The following FOCAD variants were observed in gnomAD, a reference collection of about 807,000 sequenced individuals.
FOCAD encodes focadhesin.
A neutral mutation model predicts 225.6 loss-of-function variants in FOCAD; 198 were observed. The observed-to-expected ratio is 0.88, with a 90% CI of 0.78 to 0.99. The LOEUF is 0.99. FOCAD is among the 50% of genes least tolerant of loss of function. The probability of loss-of-function intolerance (pLI) is 0.00; values close to 1 mark genes in which losing one functional copy is unlikely to be tolerated. For synonymous variants in FOCAD, 897 were observed against 755.0 expected, an observed-to-expected ratio of 1.19 and a Z score of -3.08; for missense variants, 2,713 against 2,123.6, an observed-to-expected ratio of 1.28 and a Z score of -5.46.
chr9:20,708,902 A>G (rs948541262), intron 1 of FOCAD, among the ~76,000 whole-genome samples: 1 of 152,062 alleles, frequency 6.6e-6, no homozygotes, highest in Admixed American at 6.6e-5. Context: ...CTTCGTCATC[A>G]TTGGACCCTC....
intron 30 of FOCAD, among the ~76,000 whole-genome samples, chr9:20,947,994 TA>T (rs1299843907): frequency 1.3e-5 from 2 of 152,140 alleles, no homozygotes; most frequent in African/African-American, 4.8e-5. Flanking sequence ...TTGTTTGAGC[TA>T]AGCTGCTCAA....
chr9:20,872,711 T>C (rs1024244910), intron 18 of FOCAD: 3 of 152,020 alleles, frequency 2.0e-5, no homozygotes, highest in Non-Finnish European at 4.4e-5. Context: ...AATTTAGTGG[T>C]TTTAGTATAT....
intron 15 of FOCAD, among the ~76,000 whole-genome samples, chr9:20,831,616 G>T (rs1458436210): frequency 6.6e-6 from 1 of 152,026 alleles, no homozygotes; most frequent in Non-Finnish European, 1.5e-5. Flanking sequence ...AGCATCCTCA[G>T]GTTGCAGAGA....
At chr9:20,868,983 A>G (rs548270834) in intron 18 of FOCAD, among the ~76,000 whole-genome samples, 29 of 152,302 alleles carry the variant, frequency 1.9e-4, no homozygotes, top group African/African-American at 7.0e-4. Flanking sequence ...AAAAGTCCAG[A>G]AAGTGTTCAA....
At chr9:20,859,763 G>A (rs988901357) in intron 15 of FOCAD, among the ~76,000 whole-genome samples, 2 of 148,606 alleles carry the variant, frequency 1.3e-5, no homozygotes, top group African/African-American at 4.9e-5. Flanking sequence ...CTACAACATC[G>A]ATGAACCTTG....
upstream of FOCAD, among the ~76,000 whole-genome samples, chr9:20,679,376 C>G (rs980887930): frequency 6.6e-6 from 1 of 152,122 alleles, no homozygotes; most frequent in African/African-American, 2.4e-5. Flanking sequence ...AGTCTTCGTG[C>G]CTGATGATGA....
rs17832431 is a variant in FOCAD at position 20,820,330 on chromosome 9, A to G, written c.1567A>G (p.Ile523Val). ...LPKLGVHKVC[I>V]GQILRIIQLL... ...TTTCTTCAATATTTTCTAGGTGTGT[A>G]TAGGACAAATTCTACGAATAATACA... The change falls in exon 13 of 44, where the codon ATA becomes GTA. Residue 523 changes from isoleucine to valine, a missense_variant. Ile to Val is a conservative substitution (Grantham distance 29, BLOSUM62 3). Transcript: ENST00000338382. 2.6e-3 allele frequency: 4,182 copies of G among 1,611,462 alleles called. 114 individuals carry two copies. The East Asian group carries it at 0.056, about 22-fold the overall frequency.
intron 11 of FOCAD, among the ~76,000 whole-genome samples, chr9:20,796,312 A>T (rs200045478): frequency 7.6e-4 from 115 of 152,188 alleles, no homozygotes; most frequent in Non-Finnish European, 1.4e-3. Context: ...TGATTTATAA[A>T]CCTTCGGGTA....
At chr9:20,831,719 A>G (rs1317940610) in intron 15 of FOCAD, among the ~76,000 whole-genome samples, 4 of 152,038 alleles carry the variant, frequency 2.6e-5, no homozygotes, top group Non-Finnish European at 4.4e-5. Flanking sequence ...TATAATTCAT[A>G]AATATACAAT....
At chr9:20,702,257 C>T (rs1338733213) in intron 1 of FOCAD, among the ~76,000 whole-genome samples, 5 of 152,054 alleles carry the variant, frequency 3.3e-5, no homozygotes, top group African/African-American at 7.2e-5. Flanking sequence ...CATGTACCAC[C>T]ATGCCCAGCT....
At chr9:20,858,917 C>T (rs1206520217) in intron 15 of FOCAD, among the ~76,000 whole-genome samples, 1 of 152,090 alleles carries the variant, frequency 6.6e-6, no homozygotes, top group African/African-American at 2.4e-5. Flanking sequence ...TTACTGATTT[C>T]TAGTTTTATT....
chr9:20,717,717 A>T, intron 2 of FOCAD, 77 bp from the exon 3 acceptor site: 1 of 1,114,798 alleles, frequency 9.0e-7, no homozygotes, highest in Non-Finnish European at 1.3e-6. Flanking sequence ...ACTGCCTGGC[A>T]TACTCATATC....
intron 33 of FOCAD, among the ~76,000 whole-genome samples, chr9:20,950,562 T>A (rs1268574949): frequency 2.6e-5 from 4 of 152,192 alleles, no homozygotes; most frequent in Non-Finnish European, 4.4e-5. Flanking sequence ...TTAAAAATCC[T>A]TATGAATGAT....
intron 5 of FOCAD, among the ~76,000 whole-genome samples, chr9:20,743,587 C>T (rs978047333): frequency 9.9e-5 from 15 of 152,112 alleles, no homozygotes; most frequent in African/African-American, 2.9e-4. Context: ...AGATGGTATT[C>T]TTTTTATTGT....
intron 15 of FOCAD, among the ~76,000 whole-genome samples, chr9:20,847,409 C>G (rs1478766177): frequency 6.6e-6 from 1 of 151,132 alleles, no homozygotes; most frequent in African/African-American, 2.4e-5. Flanking sequence ...AGTCTAAATT[C>G]TTATAATGCT....
chr9:20,732,915 G>T (rs1226215363), intron 4 of FOCAD, among the ~76,000 whole-genome samples: 1 of 152,150 alleles, frequency 6.6e-6, no homozygotes, highest in African/African-American at 2.4e-5. Flanking sequence ...GACCAGGTGT[G>T]TCGGGGGAGA....
At chr9:20,848,158 A>G (rs2131604334) in intron 15 of FOCAD, among the ~76,000 whole-genome samples, 2 of 115,344 alleles carry the variant, frequency 1.7e-5, no homozygotes, top group Admixed American at 1.9e-4. Flanking sequence ...GAAGATCCAG[A>G]GATACAGGAG....
intron 5 of FOCAD, among the ~76,000 whole-genome samples, chr9:20,749,052 A>C (rs922151876): frequency 3.3e-5 from 5 of 152,076 alleles, no homozygotes; most frequent in African/African-American, 9.7e-5. Context: ...ATAGCACACA[A>C]CTTAATGAAA....
At position 20,966,280 on chromosome 9, in the gene FOCAD, C is replaced by A. The variant is rs1201067311; in HGVS notation, c.4133-10140C>A. ...ATTTGGGTTTGCATTTCCCTAATGA[C>A]TAATAATGTTAAGTATCTTTTCATG... On this transcript the variant is annotated intron_variant, in intron 35 of 43. Coordinates refer to ENST00000338382, the MANE Select transcript of FOCAD (RefSeq NM_001375567.1). Among the ~76,000 whole-genome samples the A allele has an allele frequency of 1.3e-5, 2 of 151,892 alleles. 1 individual carries two copies. The highest frequency in any genetic ancestry group is 4.8e-5 in the African/African-American group (2 of 41,308).
Sources: gnomAD v4.1 joint callset for allele counts (sites outside exome capture counted in the v4.1 genomes callset) on GRCh38, gnomAD v4.1.1 for gene constraint, MANE v1.5 for transcripts, NCBI Gene and HGNC (gene_info 2026-07-23, HGNC 2026-07-21) for gene names.